Variants in TSC2 observed in about 807,000 individuals in gnomAD.
TSC2 encodes the protein tuberin.
Under a neutral mutation model 202.2 loss-of-function variants are expected in TSC2, and 29 were observed. The observed-to-expected ratio is 0.14, with a 90% CI of 0.11 to 0.20. The LOEUF is 0.20. TSC2 is among the 10% of genes least tolerant of loss of function. TSC2 has a pLI of 1.00. For missense variants in TSC2, 2,429 were observed against 2,420.0 expected (o/e 1.00, Z -0.08); for synonymous variants, 1,349 against 1,044.0 (o/e 1.29, Z -5.63).
intron 36 of TSC2, among the ~76,000 whole-genome samples, chr16:2,085,958 C>T (rs1197957869): frequency 6.6e-6 from 1 of 152,108 alleles, no homozygotes; most frequent in Non-Finnish European, 1.5e-5. Flanking sequence ...CCCGGGTGTG[C>T]TTTGAGTGTG....
chr16:2,048,278 A>G (rs1475766356), intron 1 of TSC2: 5 of 1,194,782 alleles, frequency 4.2e-6, no homozygotes, highest in Non-Finnish European at 6.1e-6. Context: ...ACATGGGTAG[A>G]GGAGAGACGG....
chr16:2,088,071 A>C lies in TSC2; in HGVS notation c.5092A>C (p.Ser1698Arg), dbSNP rs1397179937. The C allele has an allele frequency of 6.8e-6, 11 of 1,612,798 alleles. 1 individual carries two copies. In the South Asian group the frequency reaches 1.2e-4, roughly 18 times the overall value. Residue 1698 changes from serine (S) to arginine (R), a missense_variant, in exon 40 of 42, where the codon AGC becomes CGC. Transcript: ENST00000219476. ...RKDMEGLVDT[S>R]VAKIVSDRNL... ...AGACATGGAGGGCCTTGTGGACACC[A>C]GCGTGGCCAAGATCGTGTCTGACCG...
At chr16:2,087,063 C>A in intron 38 of TSC2, 192 bp downstream of exon 38, 1 of 821,012 alleles carries the variant, frequency 1.2e-6, no homozygotes, top group Non-Finnish European at 1.9e-6. Flanking sequence ...AAGCCTGTGG[C>A]GCCTGCTGCT....
At chr16:2,076,359 G>T in intron 24 of TSC2, 132 bp from the exon 25 acceptor site, 1 of 1,573,758 alleles carries the variant, frequency 6.4e-7, no homozygotes, top group Non-Finnish European at 8.6e-7. Context: ...GCATTGAGGG[G>T]TGGGAGCTGG....
intron 20 of TSC2, 199 bp from the exon 21 acceptor site, chr16:2,072,650 C>T (rs1290245766): frequency 1.1e-6 from 1 of 894,762 alleles, no homozygotes; most frequent in East Asian, 2.6e-5. Context: ...GTGCCGTTCA[C>T]CTCACATTCC....
Position 2,075,780 on chromosome 16 carries a change from A to ACC in TSC2, c.2546-17_2546-16dup, listed in dbSNP as rs779157020. On this transcript the variant is annotated intron_variant, in intron 22 of 41. Coordinates refer to ENST00000219476, the MANE Select transcript of TSC2 (RefSeq NM_000548.5). ...GCACGGGACCCCGGCTCCCCTGACC[A>ACC]CCCTCTCCATTACCGCAGCTCTGGC... 15 of 1,611,156 alleles carry ACC rather than the reference A, an allele frequency of 9.3e-6. No individual in the cohort carries two copies. The highest frequency in any genetic ancestry group is 1.1e-5 in the Non-Finnish European group (13 of 1,179,696).
chr16:2,057,689 C>A (rs2151093188), intron 9 of TSC2, among the ~76,000 whole-genome samples: 1 of 152,304 alleles, frequency 6.6e-6, no homozygotes, highest in South Asian at 2.1e-4. Flanking sequence ...GTCGGTGTCA[C>A]CCTTTGCTGG....
Position 2,070,541 on chromosome 16 carries a change from G to A in TSC2, c.1802G>A (p.Ser601Asn), listed in dbSNP as rs2151281011. 1.2e-6 allele frequency: 2 copies of A among 1,613,270 alleles called. No homozygotes were observed. Residue 601 changes from serine (S) to asparagine (N), a missense_variant, in exon 17 of 42, where the codon AGC (serine) becomes AAC (asparagine). Coordinates refer to ENST00000219476, the MANE Select transcript of TSC2 (RefSeq NM_000548.5). ...CACATTCAGCTCCACTACAAGCACA[G>A]CTACACCCTGCCAATCGCGAGCAGC... is the stretch of plus-strand genomic sequence containing the variant. ...VSHIQLHYKH[S>N]YTLPIASSIR...
intron 16 of TSC2, among the ~76,000 whole-genome samples, chr16:2,065,983 C>T (rs1445077944): frequency 6.6e-6 from 1 of 152,182 alleles, no homozygotes; most frequent in Non-Finnish European, 1.5e-5. Flanking sequence ...TTAATATTTG[C>T]AGCTGTTTTG....
intron 32 of TSC2, chr16:2,083,489 G>A: frequency 1.2e-6 from 1 of 840,348 alleles, no homozygotes; most frequent in Non-Finnish European, 1.9e-6. Context: ...GGGCACTCAT[G>A]CAGGAGAGGC....
At chr16:2,075,224 A>G (rs79016278) in intron 22 of TSC2, 3 of 145,986 alleles carry the variant, frequency 2.1e-5, no homozygotes, top group Admixed American at 2.0e-4. Context: ...CACCGTCTCA[A>G]AAAAAAAAAA....
rs45517197 is a variant in TSC2, at chr16:2,070,481, G to T, written c.1742G>T (p.Ser581Ile). 6.2e-7 allele frequency: 1 copy of T among 1,613,392 alleles called. No individual in the cohort carries two copies. The highest frequency in any genetic ancestry group is 8.5e-7 in the Non-Finnish European group (1 of 1,180,030). The part of the protein sequence containing the change: ...LQTKLYTLPA[S>I]HATRVYEMLV... ...ACCAAGCTGTACACCCTGCCTGCAA[G>T]CCACGCCACGCGTGTGTATGAGATG... Residue 581 changes from serine (S) to isoleucine (I), a missense_variant, in exon 17 of 42, where the codon AGC becomes ATC. By Grantham distance (142) the Ser-to-Ile change is moderately radical (BLOSUM62 -2). Coordinates refer to ENST00000219476, the MANE Select transcript of TSC2 (RefSeq NM_000548.5).
chr16:2,076,646 G>T (rs924394081), intron 25 of TSC2, 61 bp downstream of exon 25: 25 of 1,569,604 alleles, frequency 1.6e-5, no homozygotes, highest in Non-Finnish European at 2.1e-5. Flanking sequence ...TGGGGCTGTG[G>T]CCTGCCTGAC....
rs878854106 is a variant in TSC2 at position 2,084,647 on chromosome 16, A to C, written c.4425A>C (p.Val1475=). ...DSAPSRRGKR[V]ERDALKSRAT... ...CCCCATCACGCAGGGGCAAGAGAGT[A>C]GAGAGGGACGCCTTAAAGAGCAGAG... Residue 1475 remains valine (V), a synonymous_variant, in exon 34 of 42, where the codon GTA becomes GTC. Coordinates refer to ENST00000219476, the MANE Select transcript of TSC2 (RefSeq NM_000548.5). 4 of 1,599,478 alleles carry C rather than the reference A, an allele frequency of 2.5e-6. No homozygotes were observed. Among genetic ancestry groups the C allele is most frequent in the Non-Finnish European group, 3.4e-6 (4 of 1,179,850 alleles).
chr16:2,065,484 G>A (rs2087215209), intron 15 of TSC2, 35 bp from the exon 16 acceptor site: 11 of 1,423,094 alleles, frequency 7.7e-6, no homozygotes, highest in Non-Finnish European at 1.1e-5. Flanking sequence ...TCAGAACCAT[G>A]AGCCTGTGTG....
chr16:2,073,208 C>G (rs964079369), intron 21 of TSC2, among the ~76,000 whole-genome samples: 3 of 152,210 alleles, frequency 2.0e-5, no homozygotes, highest in African/African-American at 7.2e-5. Context: ...TGTTCCCTGT[C>G]CACCCCGGAC....
chr16:2,077,518 C>T, intron 25 of TSC2, 80 bp from the exon 26 acceptor site: 2 of 1,602,688 alleles, frequency 1.2e-6, no homozygotes, highest in South Asian at 1.1e-5. Context: ...ACCTTTCCTC[C>T]TCACCCCTCC....
chr16:2,059,109 C>T (rs1333273054), intron 10 of TSC2, among the ~76,000 whole-genome samples: 1 of 151,632 alleles, frequency 6.6e-6, no homozygotes, highest in Non-Finnish European at 1.5e-5. Context: ...ATCTCCGCCT[C>T]CCGGATTCAA....
chr16:2,081,343 C>G, intron 30 of TSC2: 1 of 564,264 alleles, frequency 1.8e-6, no homozygotes, highest in Non-Finnish European at 3.2e-6. Context: ...GCCTTGGGTC[C>G]GGACTGTGAG....
Sources: gnomAD v4.1 joint callset for allele counts (sites outside exome capture counted in the v4.1 genomes callset) on GRCh38, gnomAD v4.1.1 for gene constraint, MANE v1.5 for transcripts, NCBI Gene and HGNC (gene_info 2026-07-23, HGNC 2026-07-21) for gene names.